KAZN: variants seen among roughly 807,000 people sequenced by gnomAD.
KAZN encodes the protein kazrin.
Under a neutral mutation model 87.4 loss-of-function variants are expected in KAZN, and 40 were observed. The observed-to-expected ratio is 0.46, with a 90% CI of 0.36 to 0.60. KAZN has a LOEUF of 0.60. Among genes scored for constraint, KAZN ranks in the 20% least tolerant of loss-of-function variants. The pLI is 0.00. For missense variants in KAZN, 898 were observed against 1,073.9 expected (o/e 0.84, Z 2.29); for synonymous variants, 466 against 458.3 (o/e 1.02, Z -0.22).
intron 2 of KAZN, among the ~76,000 whole-genome samples, chr1:14,570,547 G>A (rs1364063231): frequency 6.6e-6 from 1 of 152,152 alleles, no homozygotes; most frequent in Non-Finnish European, 1.5e-5. Context: ...GTTCACTCCT[G>A]TTGTAGCATT....
rs568612509 is a variant in KAZN at position 14,993,743 on chromosome 1, T to G, written c.418+32868T>G. ...AGGACTTCGCCCATCCTGGGTGCTC[T>G]TGATGTGTTCGTTGAGTCTTATGAG... On this transcript the variant is annotated intron_variant, in intron 2 of 14. Coordinates refer to ENST00000376030, the MANE Select transcript of KAZN (RefSeq NM_201628.3). Among the ~76,000 whole-genome samples, 5 of 152,310 alleles carry G rather than the reference T, an allele frequency of 3.3e-5. No individual in the cohort carries two copies. In the South Asian group the frequency reaches 1.0e-3, roughly 32 times the overall value.
chr1:14,084,315 G>T (rs956576723), intron 1 of KAZN, among the ~76,000 whole-genome samples: 4 of 152,216 alleles, frequency 2.6e-5, no homozygotes, highest in African/African-American at 9.6e-5. Context: ...CAGGTGGTAG[G>T]CAGAAGAGCA....
At chr1:14,868,886 G>A (rs1040173610) in intron 1 of KAZN, among the ~76,000 whole-genome samples, 2 of 151,970 alleles carry the variant, frequency 1.3e-5, no homozygotes, top group Non-Finnish European at 2.9e-5. Flanking sequence ...TAAATAATCC[G>A]AAATGGGGCC....
intron 2 of KAZN, among the ~76,000 whole-genome samples, chr1:15,006,457 C>T (rs550739097): frequency 3.0e-4 from 46 of 152,288 alleles, no homozygotes; most frequent in East Asian, 1.4e-3. Flanking sequence ...GACAGCGAGC[C>T]GGGAAAAGGC....
chr1:14,741,774 T>C (rs572604155), intron 1 of KAZN, among the ~76,000 whole-genome samples: 3 of 152,262 alleles, frequency 2.0e-5, no homozygotes, highest in Non-Finnish European at 2.9e-5. Context: ...AAAAACTCTT[T>C]CAAGGCATAT....
chr1:14,463,286 T>A (rs1393717285), intron 2 of KAZN, among the ~76,000 whole-genome samples: 1 of 152,108 alleles, frequency 6.6e-6, no homozygotes, highest in Non-Finnish European at 1.5e-5. Context: ...CAGCTAGGGA[T>A]TGGTTTTTTG....
intron 1 of KAZN, among the ~76,000 whole-genome samples, chr1:14,866,039 C>T (rs749207642): frequency 3.3e-5 from 5 of 152,186 alleles, no homozygotes; most frequent in African/African-American, 4.8e-5. Flanking sequence ...TTCCGTTGTT[C>T]TGAGCCATCT....
intron 1 of KAZN, among the ~76,000 whole-genome samples, chr1:14,122,957 TA>T (rs1420145009): frequency 6.6e-6 from 1 of 152,126 alleles, no homozygotes; most frequent in African/African-American, 2.4e-5. Context: ...TTGTAGGGAG[TA>T]ACTTGATAAG....
chr1:14,771,220 C>T (rs1415815389), intron 1 of KAZN, among the ~76,000 whole-genome samples: 1 of 151,952 alleles, frequency 6.6e-6, no homozygotes, highest in Admixed American at 6.6e-5. Flanking sequence ...AAGTACTGCC[C>T]CGAACTCCTG....
Position 15,077,110 on chromosome 1 carries a change from G to A in KAZN, c.1222+11357G>A, listed in dbSNP as rs938577377. ...TTTCCAGAGCTCCAGATCTTCTAGAGAAGCCAAATATCTCACATAATACAC... is the reference window on the plus strand; with the variant it reads ...TTTCCAGAGCTCCAGATCTTCTAGAAAAGCCAAATATCTCACATAATACAC... On this transcript the variant is annotated intron_variant, in intron 8 of 14. Coordinates refer to ENST00000376030, the MANE Select transcript of KAZN (RefSeq NM_201628.3). The surrounding 1 kb of genome is among the most constrained non-coding windows in gnomAD (Gnocchi z 4.8). Among the ~76,000 whole-genome samples, 3 of 152,222 alleles carry A rather than the reference G, an allele frequency of 2.0e-5. No individual in the cohort carries two copies. The highest frequency in any genetic ancestry group is 4.8e-5 in the African/African-American group (2 of 41,460).
At chr1:14,103,876 T>C (rs748230476) in intron 1 of KAZN, among the ~76,000 whole-genome samples, 15 of 152,150 alleles carry the variant, frequency 9.9e-5, no homozygotes, top group Non-Finnish European at 1.8e-4. Context: ...GCCATTATTC[T>C]GCCTACAACA....
At chr1:14,801,963 C>G (rs568331619) in intron 1 of KAZN, among the ~76,000 whole-genome samples, 3 of 152,030 alleles carry the variant, frequency 2.0e-5, no homozygotes, top group African/African-American at 7.2e-5. Flanking sequence ...GGATTACACG[C>G]GTCGGCCACC....
intron 2 of KAZN, among the ~76,000 whole-genome samples, chr1:14,400,535 C>T (rs184214168): frequency 6.6e-6 from 1 of 152,338 alleles, no homozygotes; most frequent in East Asian, 1.9e-4. Flanking sequence ...CCAGCATCCA[C>T]TCAGCAGCCC....
chr1:14,108,683 G>A (rs1302726716), intron 1 of KAZN, among the ~76,000 whole-genome samples: 1 of 152,146 alleles, frequency 6.6e-6, no homozygotes, highest in African/African-American at 2.4e-5. Flanking sequence ...TATCCCCAAA[G>A]TGACCCTTTA....
intron 13 of KAZN, among the ~76,000 whole-genome samples, chr1:15,108,719 T>C (rs1171266885): frequency 2.6e-5 from 4 of 152,216 alleles, no homozygotes; most frequent in African/African-American, 9.6e-5. Context: ...CCAACCTTCC[T>C]TCCTGCACCA....
At chr1:14,419,804 G>C (rs1286963115) in intron 2 of KAZN, among the ~76,000 whole-genome samples, 3 of 152,046 alleles carry the variant, frequency 2.0e-5, no homozygotes, top group African/African-American at 7.2e-5. Flanking sequence ...CATTCCTCCC[G>C]GTGGGTTCGG....
chr1:14,663,380 G>A (rs993749981), intron 1 of KAZN, among the ~76,000 whole-genome samples: 2 of 152,182 alleles, frequency 1.3e-5, no homozygotes, highest in African/African-American at 2.4e-5. Flanking sequence ...AGGCAAGAGA[G>A]GGAGAGTCAG....
At chr1:14,224,560 A>T (rs1243823731) in intron 2 of KAZN, among the ~76,000 whole-genome samples, 1 of 152,130 alleles carries the variant, frequency 6.6e-6, no homozygotes, top group Non-Finnish European at 1.5e-5. Flanking sequence ...TTCTCTTTCA[A>T]GGAAAAAGAA....
intron 2 of KAZN, among the ~76,000 whole-genome samples, chr1:14,192,430 A>G (rs1287143551): frequency 6.6e-6 from 1 of 152,168 alleles, no homozygotes; most frequent in African/African-American, 2.4e-5. Flanking sequence ...ACTCATTTCT[A>G]CACTTGTGCA....
Sources: gnomAD v4.1 joint callset for allele counts (sites outside exome capture counted in the v4.1 genomes callset) on GRCh38, gnomAD v4.1.1 for gene constraint, Gnocchi (gnomAD v3.1) non-coding constraint, MANE v1.5 for transcripts, NCBI Gene and HGNC (gene_info 2026-07-23, HGNC 2026-07-21) for gene names.